FUT8: variants seen among roughly 807,000 people sequenced by gnomAD.
FUT8 encodes the protein fucosyltransferase 8.
FUT8 carries 29 observed loss-of-function variants against 71.3 expected under a neutral mutation model. The ratio of observed to expected loss-of-function variants is 0.41; its 90% CI spans 0.30 to 0.55. The LOEUF (loss-of-function observed/expected upper bound fraction) is 0.55, where lower values mean the gene tolerates loss of function less well. Ranked by LOEUF, FUT8 falls within the 20% of genes least tolerant of loss-of-function variation. FUT8 has a pLI of 0.34. For synonymous variants in FUT8, 254 were observed against 239.3 expected (o/e 1.06, Z -0.57); for missense variants, 544 against 702.1 (o/e 0.77, Z 2.55).
intron 2 of FUT8, among the ~76,000 whole-genome samples, chr14:65,519,553 G>A (rs1882944636): frequency 6.6e-6 from 1 of 152,150 alleles, no homozygotes; most frequent in Non-Finnish European, 1.5e-5. Context: ...CCATGATCAT[G>A]TGCTACTGTT....
chr14:65,398,537 G>A, the FUT8 span, among the ~76,000 whole-genome samples: 12 of 151,754 alleles, frequency 7.9e-5, no homozygotes, highest in African/African-American at 2.9e-4. Context: ...AGATCAAGAC[G>A]ATTCTGGCCA....
At chr14:65,450,699 G>A (rs17102690) in intron 1 of FUT8, among the ~76,000 whole-genome samples, 3,710 of 152,014 alleles carry the variant, frequency 0.024, 140 homozygotes, top group African/African-American at 0.085. Context: ...GCTGATTACT[G>A]GATATTGTTT....
chr14:65,419,192 G>A (rs1304601184), intron 1 of FUT8, among the ~76,000 whole-genome samples: 10 of 152,030 alleles, frequency 6.6e-5, no homozygotes, highest in African/African-American at 1.7e-4. Flanking sequence ...CCCAGGAGGC[G>A]GAGGTTGCAG....
chr14:65,401,744 A>C, the FUT8 span, among the ~76,000 whole-genome samples: 1 of 151,316 alleles, frequency 6.6e-6, no homozygotes, highest in South Asian at 2.1e-4. Flanking sequence ...CTAAAAATAC[A>C]AAAAAATTTG....
At chr14:65,549,952 T>C (rs751379268) in intron 2 of FUT8, among the ~76,000 whole-genome samples, 1 of 152,150 alleles carries the variant, frequency 6.6e-6, no homozygotes, top group Non-Finnish European at 1.5e-5. Flanking sequence ...TCCCAGCTAC[T>C]TGGGAGGCTG....
At chr14:65,716,383 CTT>C (rs1283884145) in intron 7 of FUT8, among the ~76,000 whole-genome samples, 9 of 130,102 alleles carry the variant, frequency 6.9e-5, no homozygotes, top group Non-Finnish European at 8.3e-5. Context: ...TTCTTTGTCC[CTT>C]TTTTTTTTTT....
chr14:65,466,918 T>C (rs1353922797), intron 2 of FUT8, among the ~76,000 whole-genome samples: 2 of 152,198 alleles, frequency 1.3e-5, no homozygotes, highest in Non-Finnish European at 2.9e-5. Flanking sequence ...CCATTCCTTA[T>C]AACATTACTT....
intron 2 of FUT8, among the ~76,000 whole-genome samples, chr14:65,512,036 A>G (rs1882378725): frequency 6.6e-6 from 1 of 152,172 alleles, no homozygotes; most frequent in Admixed American, 6.5e-5. Context: ...GGTATATGGT[A>G]TAGCCTATTG....
intron 8 of FUT8, among the ~76,000 whole-genome samples, chr14:65,722,492 A>G (rs1594938181): frequency 6.6e-6 from 1 of 152,068 alleles, no homozygotes; most frequent in Non-Finnish European, 1.5e-5. Context: ...CCCACCCCAC[A>G]TCTTTCCTTG....
At chr14:65,468,189 C>T (rs758484542) in intron 2 of FUT8, 16 of 635,046 alleles carry the variant, frequency 2.5e-5, no homozygotes, top group Non-Finnish European at 4.4e-5. Flanking sequence ...ACTCGCGGAG[C>T]ATTCCTTTTT....
At chr14:65,404,013 T>C in the FUT8 span, among the ~76,000 whole-genome samples, 2 of 151,922 alleles carry the variant, frequency 1.3e-5, no homozygotes, top group Non-Finnish European at 2.9e-5. Context: ...TTCTCCTGCC[T>C]CAACCTCTTG....
At chr14:65,598,696 A>T (rs563827978) in intron 3 of FUT8, among the ~76,000 whole-genome samples, 2 of 152,364 alleles carry the variant, frequency 1.3e-5, no homozygotes, top group East Asian at 3.9e-4. Context: ...TTTTCATAGT[A>T]GTATAATTAC....
At chr14:65,469,442 G>A (rs992860044) in intron 2 of FUT8, among the ~76,000 whole-genome samples, 19 of 152,162 alleles carry the variant, frequency 1.2e-4, no homozygotes, top group African/African-American at 4.6e-4. Flanking sequence ...CTGTGGTATC[G>A]GAGGCAAATG....
rs775951416 is a variant in FUT8, at chr14:65,742,293, T to A, written c.1611T>A (p.Asp537Glu). 4 of 1,612,934 alleles carry A rather than the reference T, an allele frequency of 2.5e-6. No homozygotes were observed. ...TTGGTGTGGCTGGAAATCATTGGGA[T>A]GGCTATTCTAAAGGTGTCAACAGGA... is the stretch of plus-strand genomic sequence containing the variant. ...DIIGVAGNHW[D>E]GYSKGVNRKL... The change falls in exon 11 of 11, where the codon GAT (aspartate) becomes GAA (glutamate). Residue 537 changes from aspartate (D) to glutamate (E), a missense_variant. Physicochemically the swap from Asp to Glu is conservative, Grantham distance 45. Transcript: ENST00000673929.
intron 5 of FUT8, among the ~76,000 whole-genome samples, chr14:65,623,831 T>TGACCTGG (rs1889754999): frequency 6.6e-6 from 1 of 152,210 alleles, no homozygotes; most frequent in Non-Finnish European, 1.5e-5. Flanking sequence ...GCTTTGTTAT[T>TGACCTGG]TCCCAAACCT....
At chr14:65,736,411 G>A (rs1047958701) in intron 10 of FUT8, among the ~76,000 whole-genome samples, 1 of 151,300 alleles carries the variant, frequency 6.6e-6, no homozygotes, top group Non-Finnish European at 1.5e-5. Flanking sequence ...GCTAGTCAAG[G>A]CCTCCATTAG....
chr14:65,480,651 G>A (rs919274121), intron 2 of FUT8, among the ~76,000 whole-genome samples: 9 of 151,066 alleles, frequency 6.0e-5, no homozygotes, highest in Non-Finnish European at 1.3e-4. Context: ...TGATTCTTCT[G>A]GGTATGTATC....
intron 2 of FUT8, among the ~76,000 whole-genome samples, chr14:65,559,169 T>G (rs1404093831): frequency 6.6e-6 from 1 of 152,154 alleles, no homozygotes; most frequent in East Asian, 1.9e-4. Context: ...AATTACTCTT[T>G]TAAAGAAAGC....
At chr14:65,582,073 T>C (rs1887123081) in intron 3 of FUT8, among the ~76,000 whole-genome samples, 1 of 152,132 alleles carries the variant, frequency 6.6e-6, no homozygotes, top group Admixed American at 6.5e-5. Context: ...AATAGAGCAG[T>C]GTACTTGAAT....
Sources: gnomAD v4.1 joint callset for allele counts (sites outside exome capture counted in the v4.1 genomes callset) on GRCh38, gnomAD v4.1.1 for gene constraint, MANE v1.5 for transcripts, NCBI Gene and HGNC (gene_info 2026-07-23, HGNC 2026-07-21) for gene names.